GLCCI1: variants seen among roughly 807,000 people sequenced by gnomAD.
GLCCI1 encodes glucocorticoid-induced transcript 1 protein.
GLCCI1 carries 24 observed loss-of-function variants against 52.2 expected under a neutral mutation model. The observed-to-expected ratio is 0.46, with a 90% CI of 0.33 to 0.65. The LOEUF is 0.65. GLCCI1 is among the 30% of genes least tolerant of loss of function. The pLI, the probability that GLCCI1 is intolerant of heterozygous loss-of-function variation, is 0.02. For missense variants in GLCCI1, 704 were observed against 701.5 expected, an observed-to-expected ratio of 1.00 and a Z score of -0.04; for synonymous variants, 310 against 276.5, an observed-to-expected ratio of 1.12 and a Z score of -1.20.
At chr7:8,062,285 C>G (rs984800704) in intron 5 of GLCCI1, among the ~76,000 whole-genome samples, 2 of 151,860 alleles carry the variant, frequency 1.3e-5, no homozygotes, top group African/African-American at 4.8e-5. Flanking sequence ...GGCCAGTAGC[C>G]AAAAAAGGAA....
At chr7:8,039,685 G>T (rs1019077172) in intron 3 of GLCCI1, among the ~76,000 whole-genome samples, 5 of 152,142 alleles carry the variant, frequency 3.3e-5, no homozygotes, top group African/African-American at 1.2e-4. Flanking sequence ...ACAATATTTA[G>T]GTGATGGTTC....
chr7:8,085,387 A>G (rs1783083503), intron 7 of GLCCI1, among the ~76,000 whole-genome samples: 1 of 152,234 alleles, frequency 6.6e-6, no homozygotes, highest in Non-Finnish European at 1.5e-5. Context: ...AAGCCAGAAG[A>G]TTAGTCTCCT....
intron 1 of GLCCI1, among the ~76,000 whole-genome samples, chr7:7,986,551 C>G (rs1780737388): frequency 6.6e-6 from 1 of 151,826 alleles, no homozygotes; most frequent in African/African-American, 2.4e-5. Flanking sequence ...AAAAAGTGAC[C>G]TAGTGTATTT....
chr7:8,070,880 A>G, intron 5 of GLCCI1, 41 bp from the exon 6 acceptor site: 2 of 1,531,948 alleles, frequency 1.3e-6, no homozygotes, highest in South Asian at 1.1e-5. Context: ...AGATGAATAT[A>G]TGCACCAGCA....
chr7:7,976,476 T>C, intron 1 of GLCCI1, among the ~76,000 whole-genome samples: 2 of 7,306 alleles, frequency 2.7e-4, no homozygotes, highest in African/African-American at 1.0e-3. Flanking sequence ...TGAAACTCCA[T>C]CTCAAAAAAA....
chr7:8,010,846 A>G (rs1781249220), intron 2 of GLCCI1, among the ~76,000 whole-genome samples: 1 of 152,194 alleles, frequency 6.6e-6, no homozygotes, highest in Admixed American at 6.5e-5. Context: ...ATCATACTTT[A>G]TATCATATTA....
chr7:7,978,764 C>T (rs1780550213), intron 1 of GLCCI1, among the ~76,000 whole-genome samples: 1 of 152,072 alleles, frequency 6.6e-6, no homozygotes, highest in Admixed American at 6.6e-5. Flanking sequence ...ATGCTGGTAT[C>T]TTAGAAGATA....
At chr7:7,984,058 T>C (rs1780674366) in intron 1 of GLCCI1, among the ~76,000 whole-genome samples, 1 of 152,220 alleles carries the variant, frequency 6.6e-6, no homozygotes, top group South Asian at 2.1e-4. Context: ...ACTCAGCTTC[T>C]GAATTTTTGT....
intron 3 of GLCCI1, among the ~76,000 whole-genome samples, chr7:8,033,327 C>T (rs994934117): frequency 6.6e-6 from 1 of 152,104 alleles, no homozygotes; most frequent in African/African-American, 2.4e-5. Flanking sequence ...GAATGCTTTT[C>T]TCCTAAGGAA....
intron 1 of GLCCI1, among the ~76,000 whole-genome samples, chr7:7,994,388 T>A (rs1049172805): frequency 6.6e-6 from 1 of 152,224 alleles, no homozygotes; most frequent in Non-Finnish European, 1.5e-5. Context: ...CTGATTTAAT[T>A]TTACTTTGCC....
intron 1 of GLCCI1, among the ~76,000 whole-genome samples, chr7:7,999,051 G>A (rs1486018527): frequency 6.6e-6 from 1 of 151,682 alleles, no homozygotes; most frequent in East Asian, 1.9e-4. Context: ...ACACATTACT[G>A]CATGCCTATA....
chr7:7,979,596 A>C (rs1416632563), intron 1 of GLCCI1, among the ~76,000 whole-genome samples: 1 of 152,126 alleles, frequency 6.6e-6, no homozygotes, highest in Non-Finnish European at 1.5e-5. Flanking sequence ...ACCTATTATA[A>C]TATTATACTA....
At chr7:8,058,886 A>T (rs1237631025) in intron 4 of GLCCI1, among the ~76,000 whole-genome samples, 2 of 152,192 alleles carry the variant, frequency 1.3e-5, no homozygotes, top group Non-Finnish European at 2.9e-5. Context: ...CACTTAACAT[A>T]TTTTGTATGT....
intron 1 of GLCCI1, among the ~76,000 whole-genome samples, chr7:7,977,336 T>C (rs1027991174): frequency 2.0e-5 from 3 of 152,244 alleles, no homozygotes; most frequent in Non-Finnish European, 2.9e-5. Context: ...GTGCTATAAC[T>C]GATTCTATAA....
At position 8,086,211 on chromosome 7, in the gene GLCCI1, G is replaced by A. The variant is rs774016200; in HGVS notation, c.1317G>A (p.Ser439=). ...FEEMASRQPI[S]APLFSCPDKN... Reference sequence around the variant, plus strand: ...GTTTTAGGTCTCGTCAGCCTATCTCGGCCCCTCTCTTTTCATGTCCTGACA... The same window carrying A: ...GTTTTAGGTCTCGTCAGCCTATCTCAGCCCCTCTCTTTTCATGTCCTGACA... The change falls in exon 8 of 8, where the codon TCG becomes TCA. Residue 439 remains serine (S), a synonymous_variant. Coordinates refer to ENST00000223145, the MANE Select transcript of GLCCI1 (RefSeq NM_138426.4). The surrounding 1 kb of genome is among the most constrained non-coding windows in gnomAD (Gnocchi z 4.4). The A allele has an allele frequency of 1.2e-5, 19 of 1,613,030 alleles. No homozygotes were observed. The highest frequency in any genetic ancestry group is 4.5e-5 in the East Asian group (2 of 44,890).
At chr7:8,069,300 G>T (rs1303054642) in intron 5 of GLCCI1, among the ~76,000 whole-genome samples, 1 of 152,188 alleles carries the variant, frequency 6.6e-6, no homozygotes, top group Non-Finnish European at 1.5e-5. Flanking sequence ...AAGCTGGGGG[G>T]ATCCTGGGGG....
chr7:8,026,692 C>T (rs974530772), intron 3 of GLCCI1, among the ~76,000 whole-genome samples: 1 of 152,252 alleles, frequency 6.6e-6, no homozygotes, highest in Non-Finnish European at 1.5e-5. Context: ...TAAAGCCATG[C>T]TGGCCTCAGC....
intron 2 of GLCCI1, among the ~76,000 whole-genome samples, chr7:8,007,714 C>T (rs546750133): frequency 4.9e-4 from 74 of 152,250 alleles, no homozygotes; most frequent in African/African-American, 1.7e-3. Flanking sequence ...ACATTAAACA[C>T]CTGGGCTGTT....
intron 6 of GLCCI1, among the ~76,000 whole-genome samples, chr7:8,073,131 G>A (rs149765628): frequency 6.6e-6 from 1 of 152,242 alleles, no homozygotes; most frequent in African/African-American, 2.4e-5. Flanking sequence ...TAGAAGTTAA[G>A]AGTAGCACTG....
Sources: gnomAD v4.1 joint callset for allele counts (sites outside exome capture counted in the v4.1 genomes callset) on GRCh38, gnomAD v4.1.1 for gene constraint, Gnocchi (gnomAD v3.1) non-coding constraint, MANE v1.5 for transcripts, NCBI Gene and HGNC (gene_info 2026-07-23, HGNC 2026-07-21) for gene names.